The following HADHA variants were observed in gnomAD, a reference collection of about 807,000 sequenced individuals.
HADHA encodes the protein trifunctional enzyme subunit alpha, mitochondrial.
In HADHA, 59 loss-of-function variants were observed where a neutral mutation model predicts 91.3. The ratio of observed to expected loss-of-function variants is 0.65; its 90% CI spans 0.52 to 0.80. The LOEUF (loss-of-function observed/expected upper bound fraction) is 0.80, where lower values mean the gene tolerates loss of function less well. HADHA is among the 30% of genes least tolerant of loss of function. HADHA has a pLI of 0.00. For synonymous variants in HADHA, 320 were observed against 338.9 expected (o/e 0.94, Z 0.61); for missense variants, 800 against 927.6 (o/e 0.86, Z 1.79).
chr2:26,230,440 A>G (rs541728286), intron 6 of HADHA, 146 bp from the exon 7 acceptor site: 1 of 676,776 alleles, frequency 1.5e-6, no homozygotes, highest in African/African-American at 1.8e-5. Flanking sequence ...TAGATAAGTT[A>G]TATTTAATAT....
chr2:26,213,217 A>AC (rs1670143890), intron 9 of HADHA, among the ~76,000 whole-genome samples: 1 of 151,996 alleles, frequency 6.6e-6, no homozygotes, highest in Non-Finnish European at 1.5e-5. Context: ...CTAACTCATA[A>AC]CCTCTCTTTG....
chr2:26,204,262 T>C (rs1205689989), intron 11 of HADHA, 66 bp from the exon 12 acceptor site: 12 of 1,447,594 alleles, frequency 8.3e-6, no homozygotes, highest in Admixed American at 1.7e-5. Flanking sequence ...AAGTGGAAGA[T>C]TGCCTAAGTT....
At position 26,201,229 on chromosome 2, in the gene HADHA, A is replaced by T; in HGVS notation, c.1312T>A (p.Phe438Ile). The change falls in exon 13 of 20, where the codon TTT (phenylalanine) becomes ATT (isoleucine). Residue 438 changes from phenylalanine (F) to isoleucine (I), a missense_variant. Coordinates refer to ENST00000380649, the MANE Select transcript of HADHA (RefSeq NM_000182.5). The part of the protein sequence containing the change: ...NLTGQLDYQG[F>I]EKADMVIEAV... The stretch of plus-strand genomic sequence containing the variant: ...TCAATCACCATGTCGGCCTTTTCAA[A>T]ACCTTGGTAATCAAGCTGCCCAGTC... 1 of 1,613,522 alleles carries T rather than the reference A, an allele frequency of 6.2e-7. No homozygotes were observed. The highest frequency in any genetic ancestry group is 8.5e-7 in the Non-Finnish European group (1 of 1,179,422).
At chr2:26,218,701 C>T (rs1253027012) in intron 7 of HADHA, among the ~76,000 whole-genome samples, 1 of 151,956 alleles carries the variant, frequency 6.6e-6, no homozygotes, top group African/African-American at 2.4e-5. Context: ...TCTGACACCA[C>T]AGGAAAATAT....
At chr2:26,237,864 A>G (rs1670798407) in intron 3 of HADHA, among the ~76,000 whole-genome samples, 1 of 152,236 alleles carries the variant, frequency 6.6e-6, no homozygotes, top group South Asian at 2.1e-4. Context: ...TTCTGAAAAA[A>G]TATCTTAAGC....
At position 26,244,611 on chromosome 2, in the gene HADHA, G is replaced by C; in HGVS notation, c.-15C>G. 2 of 1,569,352 alleles carry C rather than the reference G, an allele frequency of 1.3e-6. No homozygotes were observed. The highest frequency in any genetic ancestry group is 2.3e-5 in the South Asian group (2 of 85,574). ...CAGGCCACCATCTTGAGCTGAAGAG[G>C]ACAGCAGTGGAGAGCGCCTCTAACG... On this transcript the variant is annotated 5_prime_UTR_variant, in exon 1 of 20. Coordinates refer to ENST00000380649, the MANE Select transcript of HADHA (RefSeq NM_000182.5).
chr2:26,204,366 AAAGTT>A lies in HADHA; in HGVS notation c.1086-175_1086-171del, dbSNP rs749569391. On this transcript the variant is annotated intron_variant, in intron 11 of 19. Coordinates refer to ENST00000380649, the MANE Select transcript of HADHA (RefSeq NM_000182.5). Reference sequence around the variant, plus strand: ...CAGCTTTAATAAATGATTGATCTTAAAAGTTAAGTGCAAAAACCCACCAGGTCTAA... The same window carrying A: ...CAGCTTTAATAAATGATTGATCTTAAAAGTGCAAAAACCCACCAGGTCTAA... Among the ~76,000 whole-genome samples the A allele has an allele frequency of 3.3e-5, 5 of 152,224 alleles. No homozygotes were observed. In the East Asian group the frequency reaches 9.6e-4, roughly 29 times the overall value.
At chr2:26,237,070 T>C in intron 3 of HADHA, 82 bp from the exon 4 acceptor site, 1 of 944,374 alleles carries the variant, frequency 1.1e-6, no homozygotes, top group Non-Finnish European at 1.8e-6. Context: ...CTATTTTGAT[T>C]ATAAGAAATA....
intron 4 of HADHA, 122 bp from the exon 5 acceptor site, chr2:26,234,477 T>C (rs1670699889): frequency 8.1e-6 from 7 of 866,702 alleles, no homozygotes; most frequent in Admixed American, 6.1e-5. Context: ...AATCTTCAAA[T>C]AGAAGGTTAA....
At chr2:26,228,708 G>A (rs952138006) in intron 7 of HADHA, among the ~76,000 whole-genome samples, 1 of 152,076 alleles carries the variant, frequency 6.6e-6, no homozygotes, top group African/African-American at 2.4e-5. Context: ...ATCTCACTCT[G>A]TTGCTCAGGC....
chr2:26,230,856 G>A (rs1178140208), intron 6 of HADHA, among the ~76,000 whole-genome samples: 2 of 151,998 alleles, frequency 1.3e-5, no homozygotes, highest in African/African-American at 4.8e-5. Context: ...CGGAGGCAGA[G>A]GTTGCAGTGA....
Position 26,191,277 on chromosome 2 carries a change from G to GTT in HADHA, c.2263_2264dup (p.Asn755LysfsTer22). 6.2e-7 allele frequency: 1 copy of GTT among 1,612,982 alleles called. No individual in the cohort carries two copies. Among genetic ancestry groups the GTT allele is most frequent in the Non-Finnish European group, 8.5e-7 (1 of 1,180,014 alleles). On this transcript the variant is annotated frameshift_variant, in exon 20 of 20. Coordinates refer to ENST00000380649, the MANE Select transcript of HADHA (RefSeq NM_000182.5). LOFTEE classifies it high-confidence loss of function. ...ACTGGTAGAACTTCTTGTTAGGGCT[G>GTT]TTAGCATGGTCAGCTAGCAGCTGGC...
chr2:26,234,448 G>T, intron 4 of HADHA, 93 bp from the exon 5 acceptor site: 2 of 1,073,648 alleles, frequency 1.9e-6, no homozygotes, highest in Non-Finnish European at 2.8e-6. Flanking sequence ...ATCCTATCAT[G>T]CATCAATATT....
At chr2:26,194,731 G>T in intron 15 of HADHA, 93 bp from the exon 16 acceptor site, 1 of 847,258 alleles carries the variant, frequency 1.2e-6, no homozygotes. Context: ...AAAGTCATTT[G>T]AAAGTCACTG....
At chr2:26,208,607 T>C (rs1412420126) in intron 11 of HADHA, among the ~76,000 whole-genome samples, 1 of 152,232 alleles carries the variant, frequency 6.6e-6, no homozygotes, top group Non-Finnish European at 1.5e-5. Flanking sequence ...CTCTGCCTTC[T>C]ATTTATGCCG....
intron 14 of HADHA, 106 bp downstream of exon 14, chr2:26,197,585 C>T (rs1441907066): frequency 2.7e-6 from 2 of 752,812 alleles, no homozygotes; most frequent in African/African-American, 3.4e-5. Context: ...GAACCACCCG[C>T]ATCCACTCCG....
intron 5 of HADHA, among the ~76,000 whole-genome samples, chr2:26,233,442 G>A (rs770784455): frequency 1.9e-4 from 29 of 152,234 alleles, no homozygotes; most frequent in Non-Finnish European, 3.7e-4. Context: ...AGTTCAGCAT[G>A]TGAAAAGTGC....
Position 26,234,334 on chromosome 2 carries a change from G to T in HADHA, c.336C>A (p.Thr112=). Residue 112 remains threonine, a synonymous_variant, in exon 5 of 20, where the codon ACC becomes ACA. Coordinates refer to ENST00000380649, the MANE Select transcript of HADHA (RefSeq NM_000182.5). ...ADINMLAACK[T]LQEVTQLSQE... Reference sequence around the variant, plus strand: ...GTGATAGCTGTGTTACTTCTTGAAGGGTCTTGCAAGCGGCTAACATGCTGC... The same window carrying T: ...GTGATAGCTGTGTTACTTCTTGAAGTGTCTTGCAAGCGGCTAACATGCTGC... 1 of 1,613,206 alleles carries T rather than the reference G, an allele frequency of 6.2e-7. No homozygotes were observed. Among genetic ancestry groups the T allele is most frequent in the Non-Finnish European group, 8.5e-7 (1 of 1,179,210 alleles).
chr2:26,209,643 G>A (rs1467586421), intron 11 of HADHA, 137 bp downstream of exon 11: 1 of 698,418 alleles, frequency 1.4e-6, no homozygotes, highest in Non-Finnish European at 2.6e-6. Context: ...AGACATAAGG[G>A]CTCAAATGTG....
Sources: gnomAD v4.1 joint callset for allele counts (sites outside exome capture counted in the v4.1 genomes callset) on GRCh38, gnomAD v4.1.1 for gene constraint, MANE v1.5 for transcripts, NCBI Gene and HGNC (gene_info 2026-07-23, HGNC 2026-07-21) for gene names.